Variants in HARS1 observed in about 807,000 individuals in gnomAD.
The protein encoded by HARS1 is histidyl-tRNA synthetase 1.
HARS1 carries 45 observed loss-of-function variants against 63.6 expected under a neutral mutation model. The observed-to-expected ratio is 0.71, with a 90% CI of 0.56 to 0.91. The LOEUF is 0.91. Among genes scored for constraint, HARS1 ranks in the 40% least tolerant of loss-of-function variants. The pLI, the probability that HARS1 is intolerant of heterozygous loss-of-function variation, is 0.00. For synonymous variants in HARS1, 205 were observed against 247.1 expected (o/e 0.83, Z 1.60); for missense variants, 508 against 643.2 (o/e 0.79, Z 2.27).
At chr5:140,684,762 G>A (rs892519799) in intron 2 of HARS1, 2 of 151,918 alleles carry the variant, frequency 1.3e-5, no homozygotes, top group East Asian at 3.8e-4. Flanking sequence ...GAATTAGAAC[G>A]GCAAAAATTT....
At chr5:140,682,130 G>A (rs1189369248) in intron 3 of HARS1, among the ~76,000 whole-genome samples, 1 of 152,182 alleles carries the variant, frequency 6.6e-6, no homozygotes, top group Non-Finnish European at 1.5e-5. Context: ...TGTAATGTCA[G>A]CACTTTGGGA....
rs1758556962 is a variant in HARS1 at position 140,679,033 on chromosome 5, G to A, written c.491C>T (p.Thr164Ile). 1 of 1,613,928 alleles carries A rather than the reference G, an allele frequency of 6.2e-7. No individual in the cohort carries two copies. The highest frequency in any genetic ancestry group is 1.3e-5 in the African/African-American group (1 of 74,898). The stretch of plus-strand genomic sequence containing the variant: ...GTAGAATTCCCGGTATCGGCCACGG[G>A]TCATGGCTGGGTTATCCCGCCGATA... Reference protein sequence around the residue: ...KVYRRDNPAMTRGRYREFYQC... With the variant: ...KVYRRDNPAMIRGRYREFYQC... The change falls in exon 5 of 13, where the codon ACC (threonine) becomes ATC (isoleucine). Residue 164 changes from threonine to isoleucine, a missense_variant. This residue lies in a region of HARS1 where 403 missense variants were observed against 548.7 expected (regional missense o/e 0.73). Transcript: ENST00000504156. This position sits in a 1 kb window ranked among gnomAD's most constrained non-coding sequence, Gnocchi z 4.3.
rs149336018 is a variant in HARS1, at chr5:140,683,219, C to A, written c.181G>T (p.Gly61Cys). The A allele has an allele frequency of 6.2e-7, 1 of 1,613,276 alleles. No homozygotes were observed. Among genetic ancestry groups the A allele is most frequent in the South Asian group, 1.1e-5 (1 of 90,898 alleles). ...KQKFVLKTPK[G>C]TRDYSPRQMA... ...TGCCGGGGACTATAGTCTCTTGTGC[C>A]CTTGGAGTTGAAATCAGCCAGAGAA... Residue 61 changes from glycine (G) to cysteine (C), a missense_variant and splice_region_variant, in exon 3 of 13, where the codon GGC (glycine) becomes TGC (cysteine). Around this residue, in one of 2 missense-constraint regions of HARS1, gnomAD observed 105 missense variants for 94.5 expected, o/e 1.11. Coordinates refer to ENST00000504156, the MANE Select transcript of HARS1 (RefSeq NM_002109.6).
At chr5:140,689,816 A>T (rs1759268054) in intron 2 of HARS1, among the ~76,000 whole-genome samples, 1 of 152,236 alleles carries the variant, frequency 6.6e-6, no homozygotes, top group South Asian at 2.1e-4. Flanking sequence ...GAAGGGGTAA[A>T]CAGTTCTGTT....
intron 2 of HARS1, among the ~76,000 whole-genome samples, chr5:140,689,266 T>A (rs1488091832): frequency 6.6e-6 from 1 of 152,230 alleles, no homozygotes; most frequent in Non-Finnish European, 1.5e-5. Context: ...ACAGGAGATT[T>A]GTTCTGGGCC....
At position 140,677,972 on chromosome 5, in the gene HARS1, G is replaced by C; in HGVS notation, c.566C>G (p.Ala189Gly). The C allele has an allele frequency of 6.2e-7, 1 of 1,611,424 alleles. No individual in the cohort carries two copies. The highest frequency in any genetic ancestry group is 2.2e-5 in the East Asian group (1 of 44,864). Residue 189 changes from alanine to glycine, a missense_variant, in exon 6 of 13, where the codon GCA becomes GGA. Physicochemically the swap from Ala to Gly is moderately conservative, Grantham distance 60. Coordinates refer to ENST00000504156, the MANE Select transcript of HARS1 (RefSeq NM_002109.6). Reference sequence around the variant, plus strand: ...CTCGCACATGATCTTCAGGCACTCTGCATCAGGGATCATGGGATCAAAGTT... The same window carrying C: ...CTCGCACATGATCTTCAGGCACTCTCCATCAGGGATCATGGGATCAAAGTT... ...AGNFDPMIPD[A>G]ECLKIMCEIL...
At chr5:140,683,856 G>C in intron 2 of HARS1, 1 of 152,326 alleles carries the variant, frequency 6.6e-6, no homozygotes, top group South Asian at 2.1e-4. Flanking sequence ...GGTGGTGGCA[G>C]GTGCCTGTAA....
chr5:140,679,575 CTG>C lies in HARS1; in HGVS notation c.396+211_396+212del. 2.0e-6 allele frequency: 1 copy of C among 494,906 alleles called. No homozygotes were observed. Among genetic ancestry groups the C allele is most frequent in the Non-Finnish European group, 3.6e-6 (1 of 281,332 alleles). 30.7% of individuals were successfully genotyped at this position (494,906 alleles called of 1,614,324 possible). A position where few individuals can be genotyped will look rare whatever the true frequency, so the allele number is the denominator to read the frequency against. ...ATGACTGTAGAGTTGGAACTGGGCC[CTG>C]ACATCAAGCTGAGGTCTCACTCAGG... On this transcript the variant is annotated intron_variant, in intron 4 of 12. Coordinates refer to ENST00000504156, the MANE Select transcript of HARS1 (RefSeq NM_002109.6). The surrounding 1 kb of genome is among the most constrained non-coding windows in gnomAD (Gnocchi z 4.3).
chr5:140,674,177 G>C lies in HARS1; in HGVS notation c.*80C>G. 1.1e-6 allele frequency: 1 copy of C among 878,038 alleles called. No homozygotes were observed. 54.4% of individuals were successfully genotyped at this position (878,038 alleles called of 1,614,324 possible). A position where few individuals can be genotyped will look rare whatever the true frequency, so the allele number is the denominator to read the frequency against. The stretch of plus-strand genomic sequence containing the variant: ...TTCCGCTGAAACGGAAAAGTGCAAA[G>C]CAATTGAAGTACATATGCAGTTTGT... On this transcript the variant is annotated 3_prime_UTR_variant, in exon 13 of 13. Transcript: ENST00000504156.
chr5:140,674,351 G>A (rs1464402893), intron 12 of HARS1, 23 bp from the exon 13 acceptor site: 1 of 1,517,862 alleles, frequency 6.6e-7, no homozygotes. Context: ...GGAGAAGAAG[G>A]TGGTATAAGC....
intron 12 of HARS1, 150 bp from the exon 13 acceptor site, chr5:140,674,478 G>T: frequency 1.3e-6 from 1 of 797,738 alleles, no homozygotes; most frequent in Non-Finnish European, 2.1e-6. Context: ...TGTGCCTCTT[G>T]GGGGAGCCAA....
intron 3 of HARS1, among the ~76,000 whole-genome samples, chr5:140,680,636 G>C (rs977491585): frequency 6.6e-6 from 1 of 152,014 alleles, no homozygotes; most frequent in Admixed American, 6.5e-5. Flanking sequence ...CTGAGGTCAG[G>C]AGTTCGTGAC....
chr5:140,675,154 A>C, intron 10 of HARS1, 21 bp from the exon 11 acceptor site: 1 of 1,472,620 alleles, frequency 6.8e-7, no homozygotes. Flanking sequence ...GGCAGATAAA[A>C]GAGAGCTGGG....
chr5:140,675,900 G>C (rs1273268277), intron 10 of HARS1: 1 of 152,220 alleles, frequency 6.6e-6, no homozygotes, highest in African/African-American at 2.4e-5. Context: ...TGGGAAATGG[G>C]TGGTTTCCAC....
In HARS1 at chr5:140,676,705, C is replaced by A; in HGVS notation, c.1143G>T (p.Gly381=). 1 of 1,614,212 alleles carries A rather than the reference C, an allele frequency of 6.2e-7. No individual in the cohort carries two copies. The highest frequency in any genetic ancestry group is 8.5e-7 in the Non-Finnish European group (1 of 1,180,024). ...DPKGRKVPCV[G]LSIGVERIFS... ...AAATCCGCTCCACCCCAATGCTGAG[C>A]CCCACACATGGCACCTTGCGCCCTT... is the stretch of plus-strand genomic sequence containing the variant. Residue 381 remains glycine (G), a synonymous_variant, in exon 10 of 13, where the codon GGG becomes GGT. Transcript: ENST00000504156. This position sits in a 1 kb window ranked among gnomAD's most constrained non-coding sequence, Gnocchi z 4.1.
intron 12 of HARS1, 101 bp from the exon 13 acceptor site, chr5:140,674,429 G>T: frequency 3.3e-6 from 3 of 922,138 alleles, no homozygotes; most frequent in Non-Finnish European, 5.3e-6. Context: ...GCTTGTCTCA[G>T]CTGGGAGCAG....
Position 140,679,898 on chromosome 5 carries a change from A to C in HARS1, c.301-15T>G, listed in dbSNP as rs1562012898. 1.5e-6 allele frequency: 2 copies of C among 1,356,400 alleles called. No individual in the cohort carries two copies. The highest frequency in any genetic ancestry group is 2.1e-6 in the Non-Finnish European group (2 of 947,466). The allele number at this position is 1,356,400 out of a possible 1,614,324, so 84.0% of individuals were successfully genotyped here. A position where few individuals can be genotyped will look rare whatever the true frequency, so the allele number is the denominator to read the frequency against. ...ATCAGTGTTTCCTGGAGAAAACATA[A>C]ATAAATGTGGTCATAATAATAAACA... On this transcript the variant is annotated splice_polypyrimidine_tract_variant and intron_variant, in intron 3 of 12. Coordinates refer to ENST00000504156, the MANE Select transcript of HARS1 (RefSeq NM_002109.6). This position sits in a 1 kb window ranked among gnomAD's most constrained non-coding sequence, Gnocchi z 4.3.
rs913287434 is a variant in HARS1 at position 140,683,172 on chromosome 5, C to T, written c.228G>A (p.Val76=). The T allele has an allele frequency of 1.9e-6, 3 of 1,613,768 alleles. No homozygotes were observed. Among genetic ancestry groups the T allele is most frequent in the Non-Finnish European group, 2.5e-6 (3 of 1,179,728 alleles). ...TGAAGCAACGGATGATTACGTCAAA[C>T]ACCTTCTCGCGAACTGCCATCTGCC... ...SPRQMAVREK[V]FDVIIRCFKR... The change falls in exon 3 of 13, where the codon GTG becomes GTA. Residue 76 remains valine, a synonymous_variant. Transcript: ENST00000504156.
At chr5:140,678,891 C>A in intron 5 of HARS1, 111 bp downstream of exon 5, 4 of 1,101,374 alleles carry the variant, frequency 3.6e-6, no homozygotes, top group Non-Finnish European at 5.3e-6. Context: ...ACCCTAAGAG[C>A]ATTATCTGGG....
Sources: gnomAD v4.1 joint callset for allele counts (sites outside exome capture counted in the v4.1 genomes callset) on GRCh38, gnomAD v4.1.1 for gene constraint, gnomAD v4.1.1 regional missense constraint, Gnocchi (gnomAD v3.1) non-coding constraint, MANE v1.5 for transcripts, NCBI Gene and HGNC (gene_info 2026-07-23, HGNC 2026-07-21) for gene names.